Variants in CCL23 observed in about 807,000 individuals in gnomAD.
The protein encoded by CCL23 is C-C motif chemokine 23.
A neutral mutation model predicts 11.8 loss-of-function variants in CCL23; 10 were observed. The ratio of observed to expected loss-of-function variants is 0.84; its 90% CI spans 0.52 to 1.43. CCL23 has a LOEUF of 1.43. Ranked by LOEUF, CCL23 falls within the 40% of genes most tolerant of loss-of-function variation. CCL23 has a pLI of 0.00. For synonymous variants in CCL23, 60 were observed against 61.0 expected, an observed-to-expected ratio of 0.98 and a Z score of 0.07; for missense variants, 181 against 170.9, an observed-to-expected ratio of 1.06 and a Z score of -0.33.
chr17:36,015,411 C>T (rs1312204358), intron 1 of CCL23, among the ~76,000 whole-genome samples: 1 of 152,148 alleles, frequency 6.6e-6, no homozygotes, highest in Non-Finnish European at 1.5e-5. Context: ...TTGATGGGCA[C>T]TTAGTTTGCT....
In CCL23 at chr17:36,014,353, T is replaced by G; in HGVS notation, c.117A>C (p.Glu39Asp). ...TEFMMSKLPLENPVLLDMLWR... is the reference protein window; with the variant it reads ...TEFMMSKLPLDNPVLLDMLWR... ...ACTTACTGTCCAGAAGTACTGGATT[T>G]TCCAATGGAAGCTTTGACATCATGA... is the stretch of plus-strand genomic sequence containing the variant. The change falls in exon 2 of 4, where the codon GAA becomes GAC. Residue 39 changes from glutamate (E) to aspartate (D), a missense_variant. Glu to Asp is a conservative substitution (Grantham distance 45, BLOSUM62 2). Transcript: ENST00000615050. 1 of 1,613,530 alleles carries G rather than the reference T, an allele frequency of 6.2e-7. No individual in the cohort carries two copies. Among genetic ancestry groups the G allele is most frequent in the Non-Finnish European group, 8.5e-7 (1 of 1,179,404 alleles).
chr17:36,015,774 C>T (rs1189916593), intron 1 of CCL23, among the ~76,000 whole-genome samples: 2 of 152,078 alleles, frequency 1.3e-5, no homozygotes, highest in Non-Finnish European at 2.9e-5. Context: ...CGGTGGCTCA[C>T]GCCTGTAATC....
chr17:36,016,605 G>A (rs8073923), intron 1 of CCL23, among the ~76,000 whole-genome samples: 40,301 of 151,660 alleles, frequency 0.27, 6,735 homozygotes, highest in African/African-American at 0.47. Flanking sequence ...TCAAGTCTTT[G>A]CTATTGTGAT....
In CCL23 at chr17:36,014,960, A is replaced by G. The variant is rs944165558; in HGVS notation, c.77-567T>C. Among the ~76,000 whole-genome samples, 9 of 130,272 alleles carry G rather than the reference A, an allele frequency of 6.9e-5. No individual in the cohort carries two copies. The East Asian group carries it at 1.3e-3, about 18-fold the overall frequency. 85.5% of individuals were successfully genotyped at this position (130,272 alleles called of 152,430 possible). On this transcript the variant is annotated intron_variant, in intron 1 of 3. Coordinates refer to ENST00000615050, the MANE Select transcript of CCL23 (RefSeq NM_005064.6). ...TAAATCATTTTTAAATCGTGGTTATATATATATATATATAACGTAAAATTT... is the reference window on the plus strand; with the variant it reads ...TAAATCATTTTTAAATCGTGGTTATGTATATATATATATAACGTAAAATTT...
chr17:36,013,087 C>T lies in CCL23; in HGVS notation c.*110G>A, dbSNP rs1356624474. On this transcript the variant is annotated 3_prime_UTR_variant, in exon 4 of 4. Coordinates refer to ENST00000615050, the MANE Select transcript of CCL23 (RefSeq NM_005064.6). ...GAGAAACTGTTTATTAGATGAATTG[C>T]TCTAAATCCAGAACACAAGAATAAA... 1.4e-6 allele frequency: 1 copy of T among 693,500 alleles called. No individual in the cohort carries two copies. Among genetic ancestry groups the T allele is most frequent in the Non-Finnish European group, 2.6e-6 (1 of 384,068 alleles). 43.0% of individuals were successfully genotyped at this position (693,500 alleles called of 1,614,324 possible).
intron 1 of CCL23, among the ~76,000 whole-genome samples, chr17:36,015,181 T>A (rs573750072): frequency 6.6e-6 from 1 of 152,318 alleles, no homozygotes; most frequent in African/African-American, 2.4e-5. Context: ...ACTAAGTACC[T>A]CATGTGAGTG....
rs1298100523 is a variant in CCL23 at position 36,014,360 on chromosome 17, G to A, written c.110C>T (p.Pro37Leu). Residue 37 changes from proline to leucine, a missense_variant, in exon 2 of 4, where the codon CCA (proline) becomes CTA (leucine). Coordinates refer to ENST00000615050, the MANE Select transcript of CCL23 (RefSeq NM_005064.6). ...AETEFMMSKL[P>L]LENPVLLDML... ...GTCCAGAAGTACTGGATTTTCCAATGGAAGCTTTGACATCATGAACTCTGT... is the reference window on the plus strand; with the variant it reads ...GTCCAGAAGTACTGGATTTTCCAATAGAAGCTTTGACATCATGAACTCTGT... 7 of 1,613,474 alleles carry A rather than the reference G, an allele frequency of 4.3e-6. No homozygotes were observed. In the African/African-American group the frequency reaches 5.3e-5, roughly 12 times the overall value.
intron 1 of CCL23, among the ~76,000 whole-genome samples, chr17:36,017,267 T>A (rs1329339559): frequency 6.6e-6 from 1 of 152,190 alleles, no homozygotes; most frequent in African/African-American, 2.4e-5. Flanking sequence ...CTAATACATA[T>A]CCCACAGGGT....
At position 36,013,195 on chromosome 17, in the gene CCL23, G is replaced by A. The variant is rs1031441623; in HGVS notation, c.*2C>T. On this transcript the variant is annotated 3_prime_UTR_variant, in exon 4 of 4. Coordinates refer to ENST00000615050, the MANE Select transcript of CCL23 (RefSeq NM_005064.6). ...AACTTGTGTCCCTTCACCTTGACAAGTTCAATTCTTCCTGGTCTTGATCCG... is the reference window on the plus strand; with the variant it reads ...AACTTGTGTCCCTTCACCTTGACAAATTCAATTCTTCCTGGTCTTGATCCG... 16 of 1,594,986 alleles carry A rather than the reference G, an allele frequency of 1.0e-5. No homozygotes were observed. The highest frequency in any genetic ancestry group is 1.1e-5 in the Non-Finnish European group (13 of 1,162,470).
intron 1 of CCL23, among the ~76,000 whole-genome samples, chr17:36,017,107 T>A (rs915922908): frequency 1.4e-4 from 21 of 152,158 alleles, no homozygotes; most frequent in African/African-American, 5.1e-4. Flanking sequence ...TTCCACCGCT[T>A]AATAGTTGTG....
intron 3 of CCL23, 182 bp downstream of exon 3, chr17:36,013,562 C>T (rs2090073845): frequency 7.8e-6 from 5 of 643,424 alleles, no homozygotes; most frequent in African/African-American, 1.8e-5. Flanking sequence ...CTTCCCCACC[C>T]TTTTCCCCCT....
At chr17:36,015,258 T>A (rs1437378307) in intron 1 of CCL23, among the ~76,000 whole-genome samples, 1 of 152,222 alleles carries the variant, frequency 6.6e-6, no homozygotes, top group African/African-American at 2.4e-5. Context: ...TTGATGTTTA[T>A]CCATGTTGTA....
chr17:36,014,482 C>A, intron 1 of CCL23, 89 bp from the exon 2 acceptor site: 1 of 1,028,064 alleles, frequency 9.7e-7, no homozygotes. Flanking sequence ...CATCCTCCTC[C>A]TGAGGCAGAA....
intron 1 of CCL23, 75 bp from the exon 2 acceptor site, chr17:36,014,468 T>C (rs2090083325): frequency 2.6e-6 from 3 of 1,152,714 alleles, no homozygotes; most frequent in Non-Finnish European, 3.9e-6. Context: ...CCCACCCCAT[T>C]GCTCATCCTC....
At position 36,014,955 on chromosome 17, in the gene CCL23, G is replaced by GTT. The variant is rs1367149537; in HGVS notation, c.77-564_77-563dup. 2.8e-3 allele frequency among the ~76,000 whole-genome samples: 332 copies of GTT among 117,190 alleles called. 1 individual carries two copies. The highest frequency in any genetic ancestry group is 3.4e-3 in the Non-Finnish European group (219 of 64,866). The allele number at this position is 117,190 out of a possible 152,430, so 76.9% of individuals were successfully genotyped here. On this transcript the variant is annotated intron_variant, in intron 1 of 3. Transcript: ENST00000615050. ...TTTACTAAATCATTTTTAAATCGTG[G>GTT]TTATATATATATATATATAACGTAA...
chr17:36,017,107 T>G (rs915922908), intron 1 of CCL23, among the ~76,000 whole-genome samples: 1 of 152,158 alleles, frequency 6.6e-6, no homozygotes, highest in Non-Finnish European at 1.5e-5. Flanking sequence ...TTCCACCGCT[T>G]AATAGTTGTG....
chr17:36,013,673 A>T (rs1172437745), intron 3 of CCL23, 71 bp downstream of exon 3: 5 of 1,488,478 alleles, frequency 3.4e-6, no homozygotes, highest in Non-Finnish European at 4.7e-6. Flanking sequence ...ACACCAGTCT[A>T]TCAGGTCCTC....
intron 3 of CCL23, 135 bp downstream of exon 3, chr17:36,013,609 C>T (rs2090074336): frequency 1.2e-6 from 1 of 807,118 alleles, no homozygotes; most frequent in Non-Finnish European, 2.0e-6. Context: ...CAGGATCTTC[C>T]TAAGGACACA....
intron 1 of CCL23, among the ~76,000 whole-genome samples, chr17:36,017,120 A>G (rs1383954936): frequency 6.6e-6 from 1 of 152,176 alleles, no homozygotes; most frequent in African/African-American, 2.4e-5. Context: ...TAGTTGTGTG[A>G]TCTACCAAGT....
Sources: gnomAD v4.1 joint callset for allele counts (sites outside exome capture counted in the v4.1 genomes callset) on GRCh38, gnomAD v4.1.1 for gene constraint, MANE v1.5 for transcripts, NCBI Gene and HGNC (gene_info 2026-07-23, HGNC 2026-07-21) for gene names.